The following SQSTM1 variants were observed in gnomAD, a reference collection of about 807,000 sequenced individuals.
The protein encoded by SQSTM1 is sequestosome-1.
In SQSTM1, 36 loss-of-function variants were observed where a neutral mutation model predicts 45.1. The observed-to-expected ratio is 0.80, with a 90% confidence interval of 0.61 to 1.05. SQSTM1 has a LOEUF of 1.05. Among genes scored for constraint, SQSTM1 ranks in the 50% least tolerant of loss-of-function variants. The pLI is 0.00. For synonymous variants in SQSTM1, 290 were observed against 244.3 expected, an observed-to-expected ratio of 1.19 and a Z score of -1.74; for missense variants, 617 against 607.1, an observed-to-expected ratio of 1.02 and a Z score of -0.17.
chr5:179,815,290 G>T (rs188884169), upstream of SQSTM1, among the ~76,000 whole-genome samples: 1 of 152,076 alleles, frequency 6.6e-6, no homozygotes, highest in Non-Finnish European at 1.5e-5. Flanking sequence ...GGTGGTGGGC[G>T]CCTGTAATCC....
intron 2 of SQSTM1, chr5:179,823,476 A>AAAAAG (rs1757866840): frequency 4.3e-6 from 1 of 233,786 alleles, no homozygotes; most frequent in African/African-American, 2.7e-5. Flanking sequence ...AAAAAAAAAA[A>AAAAAG]AAAAGACATT....
chr5:179,827,954 C>T (rs1275871293), intron 5 of SQSTM1, among the ~76,000 whole-genome samples: 1 of 152,138 alleles, frequency 6.6e-6, no homozygotes, highest in Admixed American at 6.5e-5. Flanking sequence ...TGAGAACCTG[C>T]TGAGGGAGCC....
upstream of SQSTM1, among the ~76,000 whole-genome samples, chr5:179,819,575 C>T (rs1206888911): frequency 1.3e-5 from 2 of 152,250 alleles, no homozygotes; most frequent in Non-Finnish European, 2.9e-5. Context: ...GGCTCTCAGG[C>T]GCCTGGGCTG....
At chr5:179,820,626 C>T, upstream of SQSTM1, 1 of 310,262 alleles carries the variant, frequency 3.2e-6, no homozygotes, top group Non-Finnish European at 5.9e-6. Flanking sequence ...ATCCCAGGTG[C>T]AGAGGCTGGA....
intron 1 of SQSTM1, among the ~76,000 whole-genome samples, chr5:179,809,983 C>T (rs1049076189): frequency 6.6e-6 from 1 of 152,004 alleles, no homozygotes; most frequent in Non-Finnish European, 1.5e-5. Flanking sequence ...GGGGTTTCAC[C>T]ATGTTGTCCA....
intron 6 of SQSTM1, 26 bp from the exon 7 acceptor site, chr5:179,833,561 T>C: frequency 6.2e-7 from 1 of 1,613,714 alleles, no homozygotes; most frequent in Non-Finnish European, 8.5e-7. Flanking sequence ...GTGTCTCCTG[T>C]GTGCTCATGG....
intron 7 of SQSTM1, among the ~76,000 whole-genome samples, chr5:179,834,452 T>TTCTC (rs1184357892): frequency 3.3e-5 from 5 of 151,806 alleles, no homozygotes; most frequent in Non-Finnish European, 7.4e-5. Context: ...TCTTGGGTGT[T>TTCTC]TCTCGCAGAG....
At chr5:179,833,329 C>A in intron 6 of SQSTM1, 83 bp downstream of exon 6, 1 of 1,335,192 alleles carries the variant, frequency 7.5e-7, no homozygotes, top group Non-Finnish European at 1.0e-6. Flanking sequence ...TCCTCAGCAC[C>A]TCTGCAGCCC....
At chr5:179,816,770 C>A (rs1757592397), upstream of SQSTM1, among the ~76,000 whole-genome samples, 1 of 150,032 alleles carries the variant, frequency 6.7e-6, no homozygotes, top group South Asian at 2.1e-4. Context: ...TCCTCCAGCC[C>A]CCCTCCCTAC....
chr5:179,819,424 G>A (rs1408176278), upstream of SQSTM1, among the ~76,000 whole-genome samples: 1 of 152,030 alleles, frequency 6.6e-6, no homozygotes, highest in Admixed American at 6.6e-5. Context: ...GCTCCTTCTT[G>A]GGGGTGAGTG....
At chr5:179,819,878 G>T (rs1395323125), upstream of SQSTM1, among the ~76,000 whole-genome samples, 1 of 152,162 alleles carries the variant, frequency 6.6e-6, no homozygotes, top group Non-Finnish European at 1.5e-5. Flanking sequence ...GCCCCATCCA[G>T]CCACTCTTGC....
chr5:179,820,355 A>C (rs1418309676), upstream of SQSTM1: 1 of 152,476 alleles, frequency 6.6e-6, no homozygotes, highest in Non-Finnish European at 1.5e-5. Flanking sequence ...CGAGTATGCT[A>C]TGCGCTGCCC....
chr5:179,824,456 A>G (rs1489678483), intron 4 of SQSTM1, 133 bp downstream of exon 4: 2 of 1,335,292 alleles, frequency 1.5e-6, no homozygotes, highest in East Asian at 4.7e-5. Flanking sequence ...CCCTACAATC[A>G]CACAAGAACC....
At position 179,821,256 on chromosome 5, in the gene SQSTM1, C is replaced by T. The variant is rs1757763111; in HGVS notation, c.205+115C>T. 23 of 1,072,526 alleles carry T rather than the reference C, an allele frequency of 2.1e-5. No homozygotes were observed. The South Asian group carries it at 3.9e-4, about 18-fold the overall frequency. The allele number at this position is 1,072,526 out of a possible 1,614,324, so 66.4% of individuals were successfully genotyped here. On this transcript the variant is annotated intron_variant, in intron 1 of 7. Transcript: ENST00000389805. ...GCCTGGCGGGCCGTGAGGGGGTCTG[C>T]GCTGGCTGCTCCCTGGATGGCGGTG...
In SQSTM1 at chr5:179,833,727, C is replaced by T. The variant is rs1472105687; in HGVS notation, c.1110C>T (p.Ser370=). ...ESEGPSSLDP[S]QEGPTGLKEA... is the part of the protein sequence containing the mutation. ...AAGGGCCAAGCTCTCTGGACCCCTC[C>T]CAGGAGGGACCCACAGGGCTGAAGG... The change falls in exon 7 of 8, where the codon TCC becomes TCT. Residue 370 remains serine (S), a synonymous_variant. Coordinates refer to ENST00000389805, the MANE Select transcript of SQSTM1 (RefSeq NM_003900.5). 3.1e-6 allele frequency: 5 copies of T among 1,614,140 alleles called. No individual in the cohort carries two copies. The highest frequency in any genetic ancestry group is 1.1e-5 in the South Asian group (1 of 91,088).
intron 2 of SQSTM1, 53 bp from the exon 3 acceptor site, chr5:179,823,805 G>C (rs1757881082): frequency 1.9e-6 from 3 of 1,582,448 alleles, no homozygotes; most frequent in African/African-American, 1.3e-5. Flanking sequence ...GACGACAGAG[G>C]GGGAGGACTT....
chr5:179,832,787 A>C (rs1038864417), intron 5 of SQSTM1, among the ~76,000 whole-genome samples: 20 of 151,908 alleles, frequency 1.3e-4, no homozygotes, highest in African/African-American at 4.8e-4. Flanking sequence ...GGATATGGGG[A>C]GAAGCCTCTG....
intron 1 of SQSTM1, chr5:179,821,692 G>C: frequency 2.7e-6 from 1 of 367,130 alleles, no homozygotes; most frequent in Admixed American, 3.1e-5. Context: ...ATCGCCGGCG[G>C]AACGCTCCGA....
chr5:179,820,774 C>A (rs558605052), upstream of SQSTM1: 3 of 584,598 alleles, frequency 5.1e-6, no homozygotes, highest in East Asian at 3.5e-5. Flanking sequence ...AGTGAAGGGG[C>A]CTCTGCAGGG....
Sources: allele counts gnomAD v4.1 joint callset (sites outside exome capture counted in the v4.1 genomes callset), GRCh38; gene constraint gnomAD v4.1.1; transcripts MANE v1.5; gene names NCBI Gene and HGNC (gene_info 2026-07-23, HGNC 2026-07-21).